TMEM178A: variants seen among roughly 807,000 people sequenced by gnomAD.
The protein encoded by TMEM178A is transmembrane protein 178.
In TMEM178A, 12 loss-of-function variants were observed where a neutral mutation model predicts 29.1. The ratio of observed to expected loss-of-function variants is 0.41; its 90% CI spans 0.26 to 0.67. The LOEUF (loss-of-function observed/expected upper bound fraction) is 0.67, where lower values mean the gene tolerates loss of function less well. Among genes scored for constraint, TMEM178A ranks in the 30% least tolerant of loss-of-function variants. The pLI is 0.29. For missense variants in TMEM178A, 366 were observed against 419.1 expected (o/e 0.87, Z 1.11); for synonymous variants, 210 against 187.2 (o/e 1.12, Z -0.99).
chr2:39,712,169 G>A (rs1204868601), intron 3 of TMEM178A, among the ~76,000 whole-genome samples: 1 of 151,796 alleles, frequency 6.6e-6, no homozygotes, highest in Admixed American at 6.6e-5. Flanking sequence ...CTAGCATGAG[G>A]CATTTGAAGG....
chr2:39,729,819 A>C, the TMEM178A span, among the ~76,000 whole-genome samples: 2 of 152,180 alleles, frequency 1.3e-5, no homozygotes, highest in Non-Finnish European at 2.9e-5. Flanking sequence ...TTTGCTCCTT[A>C]AGCAGACAAT....
chr2:39,712,806 A>G (rs1287890577), intron 3 of TMEM178A, among the ~76,000 whole-genome samples: 1 of 152,218 alleles, frequency 6.6e-6, no homozygotes, highest in Non-Finnish European at 1.5e-5. Context: ...AGGAAGGACC[A>G]TTAGATTTTG....
chr2:39,696,648 G>A (rs530602991), intron 1 of TMEM178A, among the ~76,000 whole-genome samples: 11 of 152,156 alleles, frequency 7.2e-5, no homozygotes, highest in African/African-American at 2.7e-4. Context: ...TATACTGCCC[G>A]CCTCATTATT....
At chr2:39,703,083 C>T (rs78999520) in intron 1 of TMEM178A, among the ~76,000 whole-genome samples, 3,019 of 152,206 alleles carry the variant, frequency 0.02, 110 homozygotes, top group African/African-American at 0.07. Flanking sequence ...CCTTTATATG[C>T]ACTCAGATTC....
the TMEM178A span, among the ~76,000 whole-genome samples, chr2:39,732,203 CCT>C: frequency 1.3e-5 from 2 of 152,140 alleles, no homozygotes; most frequent in Non-Finnish European, 2.9e-5. Flanking sequence ...TGTCTTTCAC[CCT>C]GAGTGGGGCT....
Position 39,666,136 on chromosome 2 carries a change from C to T in TMEM178A, c.162C>T (p.Asp54=), listed in dbSNP as rs1196821763. The T allele has an allele frequency of 6.5e-7, 1 of 1,536,712 alleles. No individual in the cohort carries two copies. The highest frequency in any genetic ancestry group is 1.2e-5 in the South Asian group (1 of 83,156). ...GCCGCGCGGGCGCCGACCCCCCGGA[C>T]CAGAAGAACCGCCTGATGCCGCTGT... ...ERSRAGADPP[D]QKNRLMPLSH... Residue 54 remains aspartate, a synonymous_variant, in exon 1 of 4, where the codon GAC becomes GAT. Coordinates refer to ENST00000281961, the MANE Select transcript of TMEM178A (RefSeq NM_152390.3).
chr2:39,729,595 A>G, the TMEM178A span, among the ~76,000 whole-genome samples: 2 of 152,234 alleles, frequency 1.3e-5, no homozygotes, highest in African/African-American at 4.8e-5. Context: ...TATACTTGAC[A>G]GAAAAACCTG....
chr2:39,671,083 C>T (rs1399006395), intron 1 of TMEM178A, among the ~76,000 whole-genome samples: 1 of 152,124 alleles, frequency 6.6e-6, no homozygotes, highest in Non-Finnish European at 1.5e-5. Flanking sequence ...TGGAATAGAA[C>T]ATGTTCTTGT....
chr2:39,706,984 T>G, intron 2 of TMEM178A, 65 bp from the exon 3 acceptor site: 1 of 1,541,684 alleles, frequency 6.5e-7, no homozygotes, highest in Non-Finnish European at 8.7e-7. Flanking sequence ...AAAGCCCTAA[T>G]TCTCTAATTC....
the TMEM178A span, among the ~76,000 whole-genome samples, chr2:39,732,374 AG>A: frequency 3.3e-5 from 5 of 152,176 alleles, no homozygotes; most frequent in African/African-American, 1.2e-4. Flanking sequence ...GAGAGGAAAA[AG>A]CACTGACTGC....
chr2:39,697,356 G>C (rs1463046943), intron 1 of TMEM178A, among the ~76,000 whole-genome samples: 1 of 152,178 alleles, frequency 6.6e-6, no homozygotes, highest in Non-Finnish European at 1.5e-5. Flanking sequence ...TGCTATGACA[G>C]TGGAACAAGT....
At chr2:39,706,537 T>A (rs1022993393) in intron 2 of TMEM178A, among the ~76,000 whole-genome samples, 2 of 152,232 alleles carry the variant, frequency 1.3e-5, no homozygotes, top group African/African-American at 4.8e-5. Flanking sequence ...GGTGATCAGA[T>A]AAAACCCTAT....
chr2:39,670,695 C>T (rs1444593893), intron 1 of TMEM178A, among the ~76,000 whole-genome samples: 1 of 152,176 alleles, frequency 6.6e-6, no homozygotes, highest in Non-Finnish European at 1.5e-5. Context: ...TCTTTCAGTT[C>T]TTGAAAACAC....
the TMEM178A span, among the ~76,000 whole-genome samples, chr2:39,728,721 A>AT: frequency 2.8e-4 from 41 of 148,150 alleles, no homozygotes; most frequent in Middle Eastern, 0.01. Context: ...CAAGAAATGA[A>AT]TTTTTTTTTT....
chr2:39,687,352 CAT>C (rs1438052798), intron 1 of TMEM178A: 1 of 166,904 alleles, frequency 6.0e-6, no homozygotes, highest in Non-Finnish European at 1.5e-5. Flanking sequence ...TTTCCCCACT[CAT>C]AGAGAGATTT....
At chr2:39,665,789 G>C (rs1670116024), upstream of TMEM178A, 2 of 465,360 alleles carry the variant, frequency 4.3e-6, no homozygotes, top group African/African-American at 2.2e-5. Context: ...CGGGCGGTGG[G>C]AGGCGAGATC....
At chr2:39,679,193 A>G (rs908538242) in intron 1 of TMEM178A, among the ~76,000 whole-genome samples, 3 of 152,208 alleles carry the variant, frequency 2.0e-5, no homozygotes, top group Admixed American at 2.0e-4. Flanking sequence ...TATTGGGCAC[A>G]TGGCGATCTG....
Position 39,684,630 on chromosome 2 carries a change from A to T in TMEM178A, c.400+18256A>T, listed in dbSNP as rs141747762. ...AACCATCTAAAATAAACTTGATCAT[A>T]TCACCTCCTTGCTTAAATCCTTCTG... is the stretch of plus-strand genomic sequence containing the variant. On this transcript the variant is annotated intron_variant, in intron 1 of 3. Coordinates refer to ENST00000281961, the MANE Select transcript of TMEM178A (RefSeq NM_152390.3). Among the ~76,000 whole-genome samples, 71 of 152,296 alleles carry T rather than the reference A, an allele frequency of 4.7e-4. No homozygotes were observed. In the East Asian group the frequency reaches 0.013, roughly 28 times the overall value.
chr2:39,724,978 A>T, the TMEM178A span, among the ~76,000 whole-genome samples: 1 of 152,226 alleles, frequency 6.6e-6, no homozygotes, highest in Non-Finnish European at 1.5e-5. Flanking sequence ...AATTAAACCA[A>T]CTGTGAAAGG....
Sources: gnomAD v4.1 joint callset for allele counts (sites outside exome capture counted in the v4.1 genomes callset) on GRCh38, gnomAD v4.1.1 for gene constraint, MANE v1.5 for transcripts, NCBI Gene and HGNC (gene_info 2026-07-23, HGNC 2026-07-21) for gene names.